The following MYCT1 variants were observed in gnomAD, a reference collection of about 807,000 sequenced individuals.
MYCT1 encodes the protein myc target protein 1.
MYCT1 carries 12 observed loss-of-function variants against 15.0 expected under a neutral mutation model. The observed-to-expected ratio is 0.80, with a 90% confidence interval of 0.51 to 1.29. The LOEUF is 1.29. MYCT1 is among the 50% of genes most tolerant of loss of function. MYCT1 has a pLI of 0.00. For missense variants in MYCT1, 287 were observed against 279.1 expected (o/e 1.03, Z -0.20); for synonymous variants, 104 against 102.7 (o/e 1.01, Z -0.07).
chr6:152,721,766 T>C lies in MYCT1; in HGVS notation c.221T>C (p.Val74Ala). The C allele has an allele frequency of 6.2e-7, 1 of 1,614,062 alleles. No homozygotes were observed. Among genetic ancestry groups the C allele is most frequent in the Non-Finnish European group, 8.5e-7 (1 of 1,179,968 alleles). Residue 74 changes from valine to alanine, a missense_variant, in exon 2 of 2, where the codon GTA becomes GCA. Physicochemically the swap from Val to Ala is moderately conservative, Grantham distance 64. Coordinates refer to ENST00000367245, the MANE Select transcript of MYCT1 (RefSeq NM_025107.3). The part of the protein sequence containing the change: ...FWEDLIMSFT[V>A]SMAIGLVLGG... ...GAGGACCTTATCATGTCCTTCACTG[T>C]ATCCATGGCAATCGGGCTGGTACTT...
At chr6:152,702,757 T>A (rs1239938346) in intron 1 of MYCT1, among the ~76,000 whole-genome samples, 1 of 152,252 alleles carries the variant, frequency 6.6e-6, no homozygotes, top group Non-Finnish European at 1.5e-5. Context: ...TTTCAATTTG[T>A]ATTTTAAAAA....
At position 152,723,507 on chromosome 6, in the gene MYCT1, A is replaced by G. The variant is rs537107117; in HGVS notation, c.*1254A>G. 6.6e-6 allele frequency: 1 copy of G among 152,336 alleles called. No homozygotes were observed. Among genetic ancestry groups the G allele is most frequent in the South Asian group, 2.1e-4 (1 of 4,830 alleles). The allele number at this position is 152,336 out of a possible 1,614,324, so 9.4% of individuals were successfully genotyped here. ...TGGGGAGAGAGTTTGTTATTGAAAT[A>G]GATGTTGCCCATGAAGAATTCTCCT... On this transcript the variant is annotated 3_prime_UTR_variant, in exon 2 of 2. Transcript: ENST00000367245.
intron 1 of MYCT1, among the ~76,000 whole-genome samples, chr6:152,714,289 T>C (rs559986597): frequency 2.1e-5 from 3 of 145,578 alleles, no homozygotes; most frequent in Admixed American, 7.0e-5. Flanking sequence ...GATAATTTCC[T>C]CTATTTTTTC....
rs1313307770 is a variant in MYCT1 at position 152,697,943 on chromosome 6, T to A, written c.41T>A (p.Phe14Tyr). ...TATGAGGGGTTGTGTAAAAATTATT[T>A]TTCTCTTGCTGTACTACAAAGAGAT... is the stretch of plus-strand genomic sequence containing the variant. ...QVYEGLCKNY[F>Y]SLAVLQRDRI... is the part of the protein sequence containing the mutation. Residue 14 changes from phenylalanine (F) to tyrosine (Y), a missense_variant, in exon 1 of 2, where the codon TTT becomes TAT. Phe to Tyr is a conservative substitution (Grantham distance 22, BLOSUM62 3). Coordinates refer to ENST00000367245, the MANE Select transcript of MYCT1 (RefSeq NM_025107.3). The A allele has an allele frequency of 6.2e-7, 1 of 1,601,904 alleles. No individual in the cohort carries two copies. Among genetic ancestry groups the A allele is most frequent in the Non-Finnish European group, 8.5e-7 (1 of 1,176,360 alleles).
chr6:152,703,460 T>A (rs1360309583), intron 1 of MYCT1, among the ~76,000 whole-genome samples: 3 of 152,186 alleles, frequency 2.0e-5, no homozygotes, highest in Non-Finnish European at 2.9e-5. Flanking sequence ...ACCATCTGAA[T>A]TCTATCTGTA....
the MYCT1 span, among the ~76,000 whole-genome samples, chr6:152,744,938 C>G: frequency 2.6e-5 from 4 of 152,098 alleles, no homozygotes; most frequent in Non-Finnish European, 2.9e-5. Flanking sequence ...CTGAAAGAAA[C>G]AGGTTTAGCT....
chr6:152,739,897 T>C, the MYCT1 span, among the ~76,000 whole-genome samples: 1 of 152,176 alleles, frequency 6.6e-6, no homozygotes, highest in Non-Finnish European at 1.5e-5. Flanking sequence ...AATTGGCTGT[T>C]CATTTCATCT....
the MYCT1 span, among the ~76,000 whole-genome samples, chr6:152,745,043 G>A: frequency 6.6e-6 from 1 of 152,138 alleles, no homozygotes; most frequent in South Asian, 2.1e-4. Flanking sequence ...AAGAGAGGGA[G>A]GGAGACATGT....
chr6:152,743,329 G>A, the MYCT1 span, among the ~76,000 whole-genome samples: 7 of 152,156 alleles, frequency 4.6e-5, no homozygotes. Flanking sequence ...GCCTCTCAAA[G>A]TGCTGGGATT....
At chr6:152,739,235 T>G in the MYCT1 span, among the ~76,000 whole-genome samples, 1 of 151,824 alleles carries the variant, frequency 6.6e-6, no homozygotes, top group Non-Finnish European at 1.5e-5. Context: ...GATTATAATT[T>G]ATTAAAATAT....
At chr6:152,701,651 T>C (rs1273200093) in intron 1 of MYCT1, among the ~76,000 whole-genome samples, 2 of 152,184 alleles carry the variant, frequency 1.3e-5, no homozygotes, top group African/African-American at 4.8e-5. Context: ...AGTTCTGGCC[T>C]CTGCTGACAT....
chr6:152,705,559 G>T (rs565830744), intron 1 of MYCT1, among the ~76,000 whole-genome samples: 1 of 151,898 alleles, frequency 6.6e-6, no homozygotes, highest in East Asian at 1.9e-4. Flanking sequence ...TTAATGCTGA[G>T]TAATAACATT....
intron 1 of MYCT1, among the ~76,000 whole-genome samples, chr6:152,708,370 A>G (rs1381296630): frequency 6.6e-6 from 1 of 152,044 alleles, no homozygotes; most frequent in Non-Finnish European, 1.5e-5. Flanking sequence ...AGAATACATA[A>G]GATTTTCAAT....
At chr6:152,713,515 T>A (rs550576594) in intron 1 of MYCT1, among the ~76,000 whole-genome samples, 2 of 152,266 alleles carry the variant, frequency 1.3e-5, no homozygotes, top group Non-Finnish European at 2.9e-5. Flanking sequence ...TGAAGAGTGT[T>A]ATGATGTATG....
At chr6:152,714,793 CATAT>C (rs199838766) in intron 1 of MYCT1, among the ~76,000 whole-genome samples, 8 of 151,222 alleles carry the variant, frequency 5.3e-5, no homozygotes, top group Admixed American at 3.3e-4. Flanking sequence ...ATTTATAACA[CATAT>C]ATATATAACA....
the MYCT1 span, among the ~76,000 whole-genome samples, chr6:152,729,848 T>C: frequency 6.6e-6 from 1 of 152,206 alleles, no homozygotes; most frequent in Non-Finnish European, 1.5e-5. Context: ...AATGGCAGAC[T>C]TGGGTAGATC....
the MYCT1 span, among the ~76,000 whole-genome samples, chr6:152,745,975 TTC>T: frequency 1.3e-5 from 2 of 152,220 alleles, no homozygotes; most frequent in Admixed American, 6.5e-5. Context: ...TAACACAGGG[TTC>T]TGTCATCCAT....
intron 1 of MYCT1, among the ~76,000 whole-genome samples, chr6:152,718,500 C>T (rs1460126432): frequency 6.6e-6 from 1 of 152,126 alleles, no homozygotes. Flanking sequence ...CTCACCTCGG[C>T]CTCGCAAAGT....
chr6:152,732,665 GATTT>G, the MYCT1 span, among the ~76,000 whole-genome samples: 4 of 152,162 alleles, frequency 2.6e-5, no homozygotes, highest in East Asian at 7.7e-4. Flanking sequence ...AAACAATTAG[GATTT>G]ATTATAAGTG....
Sources: allele counts gnomAD v4.1 joint callset (sites outside exome capture counted in the v4.1 genomes callset), GRCh38; gene constraint gnomAD v4.1.1; transcripts MANE v1.5; gene names NCBI Gene and HGNC (gene_info 2026-07-23, HGNC 2026-07-21).